Variants in SLC1A4 observed in about 807,000 individuals in gnomAD.
The protein encoded by SLC1A4 is neutral amino acid transporter A.
A neutral mutation model predicts 37.7 loss-of-function variants in SLC1A4; 19 were observed. The observed-to-expected ratio is 0.50, with a 90% CI of 0.35 to 0.74. The LOEUF (loss-of-function observed/expected upper bound fraction) is 0.74, where lower values mean the gene tolerates loss of function less well. Ranked by LOEUF, SLC1A4 falls within the 30% of genes least tolerant of loss-of-function variation. SLC1A4 has a pLI of 0.01. For missense variants in SLC1A4, 570 were observed against 712.9 expected (o/e 0.80, Z 2.28); for synonymous variants, 299 against 309.8 (o/e 0.97, Z 0.37).
At chr2:65,004,093 C>T (rs1673583073) in intron 3 of SLC1A4, 78 bp downstream of exon 3, 21 of 1,272,070 alleles carry the variant, frequency 1.7e-5, no homozygotes, top group Admixed American at 5.5e-5. Context: ...GCATACAGGA[C>T]GTGGGCTGAA....
intron 3 of SLC1A4, among the ~76,000 whole-genome samples, chr2:65,009,101 G>A (rs947952468): frequency 2.0e-5 from 3 of 152,228 alleles, no homozygotes; most frequent in Non-Finnish European, 4.4e-5. Flanking sequence ...GCTCACGCCT[G>A]TAAACTCAGC....
At chr2:65,017,442 C>T (rs1674192006) in intron 5 of SLC1A4, among the ~76,000 whole-genome samples, 1 of 151,652 alleles carries the variant, frequency 6.6e-6, no homozygotes, top group South Asian at 2.1e-4. Flanking sequence ...TTTGCCTCTA[C>T]TGCTCACTTC....
At chr2:65,006,877 T>C (rs1673696762) in intron 3 of SLC1A4, among the ~76,000 whole-genome samples, 1 of 152,164 alleles carries the variant, frequency 6.6e-6, no homozygotes, top group Non-Finnish European at 1.5e-5. Context: ...GAGTTTAAGA[T>C]TACTGTACTC....
chr2:65,015,504 G>A (rs937052303), intron 4 of SLC1A4, among the ~76,000 whole-genome samples: 6 of 152,200 alleles, frequency 3.9e-5, no homozygotes, highest in African/African-American at 1.4e-4. Context: ...CTGGCTTAAG[G>A]ATGGTACTTA....
chr2:64,989,575 T>C lies in SLC1A4; in HGVS notation c.-69T>C, dbSNP rs925092489. 46 of 1,350,730 alleles carry C rather than the reference T, an allele frequency of 3.4e-5. No homozygotes were observed. The highest frequency in any genetic ancestry group is 6.0e-5 in the East Asian group (2 of 33,502). The allele number at this position is 1,350,730 out of a possible 1,614,324, so 83.7% of individuals were successfully genotyped here. A position where few individuals can be genotyped will look rare whatever the true frequency, so the allele number is the denominator to read the frequency against. On this transcript the variant is annotated 5_prime_UTR_variant, in exon 1 of 8. Transcript: ENST00000234256. ...CACAACTGGCCGACCGACCCATTCA[T>C]TGGGAACCCCGTCTTTTGCCAGAGC...
chr2:65,004,673 A>T (rs1027888985), intron 3 of SLC1A4, among the ~76,000 whole-genome samples: 5 of 152,128 alleles, frequency 3.3e-5, no homozygotes, highest in African/African-American at 9.7e-5. Context: ...TTACATTTTA[A>T]AAAAATCAAT....
chr2:65,021,137 G>A lies in SLC1A4; in HGVS notation c.1590G>A (p.Ser530=), dbSNP rs7563131. ...CCCCAGAACTGGAATCCAAGGAGTC[G>A]GTTCTGTGATGGGGCTGGGCTTTGG... ...ASAPELESKE[S]VL The change falls in exon 8 of 8, where the codon TCG becomes TCA. Residue 530 remains serine, a synonymous_variant. Transcript: ENST00000234256. 0.13 allele frequency: 210,604 copies of A among 1,612,988 alleles called. 15,171 individuals are homozygous for A. Among genetic ancestry groups the A allele is most frequent in the African/African-American group, 0.28 (21,183 of 74,974 alleles).
At chr2:64,997,301 CT>C (rs1047184618) in intron 1 of SLC1A4, among the ~76,000 whole-genome samples, 15 of 152,166 alleles carry the variant, frequency 9.9e-5, no homozygotes, top group South Asian at 4.1e-4. Flanking sequence ...TATTACCATA[CT>C]TTTTTATATA....
intron 3 of SLC1A4, among the ~76,000 whole-genome samples, chr2:65,007,738 A>G (rs1195343588): frequency 6.6e-6 from 1 of 152,234 alleles, no homozygotes; most frequent in Non-Finnish European, 1.5e-5. Context: ...TTGGGGGTAC[A>G]TGTGATAATG....
intron 1 of SLC1A4, 29 bp downstream of exon 1, chr2:64,990,199 A>G: frequency 6.5e-7 from 1 of 1,540,458 alleles, no homozygotes; most frequent in Non-Finnish European, 8.8e-7. Context: ...CCCAGGGCCC[A>G]GTGGGAGACG....
Position 65,003,974 on chromosome 2 carries a change from G to A in SLC1A4, c.592G>A (p.Val198Met), listed in dbSNP as rs750431020. Reference protein sequence around the residue: ...FRTYATDYKVVTQNSSSGNVT... With the variant: ...FRTYATDYKVMTQNSSSGNVT... ...ACAGTATGCAACCGATTATAAAGTC[G>A]TGACCCAGAACAGCAGCTCTGGAAA... The change falls in exon 3 of 8, where the codon GTG becomes ATG. Residue 198 changes from valine (V) to methionine (M), a missense_variant. Transcript: ENST00000234256. The A allele has an allele frequency of 8.1e-6, 13 of 1,613,938 alleles. No homozygotes were observed. The highest frequency in any genetic ancestry group is 4.5e-5 in the East Asian group (2 of 44,886).
At chr2:65,005,612 A>G (rs986655896) in intron 3 of SLC1A4, among the ~76,000 whole-genome samples, 2 of 152,308 alleles carry the variant, frequency 1.3e-5, no homozygotes, top group Admixed American at 1.3e-4. Context: ...GGACAACCTG[A>G]TCAGGTAGGA....
Position 65,021,187 on chromosome 2 carries a change from C to T in SLC1A4, c.*41C>T. The T allele has an allele frequency of 6.7e-7, 1 of 1,489,060 alleles. No individual in the cohort carries two copies. Among genetic ancestry groups the T allele is most frequent in the Non-Finnish European group, 9.3e-7 (1 of 1,073,376 alleles). 92.2% of individuals were successfully genotyped at this position (1,489,060 alleles called of 1,614,324 possible). On this transcript the variant is annotated 3_prime_UTR_variant, in exon 8 of 8. Coordinates refer to ENST00000234256, the MANE Select transcript of SLC1A4 (RefSeq NM_003038.5). ...GGCTTGCCTGCCAGCAGTGATGTCC[C>T]ACCCTGTTCACCCAGCCGCCAGTCA...
rs1489269365 is a variant in SLC1A4, at chr2:65,021,814, A to G, written c.*668A>G. ...AACAACTTAGATTCTGAGGTCAAAG[A>G]AAAAAGGAGAGGGAATGCAGCCTTG... On this transcript the variant is annotated 3_prime_UTR_variant, in exon 8 of 8. Transcript: ENST00000234256. 1 of 152,746 alleles carries G rather than the reference A, an allele frequency of 6.5e-6. No homozygotes were observed. Among genetic ancestry groups the G allele is most frequent in the African/African-American group, 2.4e-5 (1 of 41,464 alleles). The allele number at this position is 152,746 out of a possible 1,614,324, so 9.5% of individuals were successfully genotyped here.
chr2:65,007,669 T>C (rs1353274770), intron 3 of SLC1A4, among the ~76,000 whole-genome samples: 1 of 152,236 alleles, frequency 6.6e-6, no homozygotes, highest in Admixed American at 6.5e-5. Context: ...ACCAGCTCTC[T>C]TAATTGTTAA....
rs1286250928 is a variant in SLC1A4 at position 65,020,957 on chromosome 2, T to G, written c.1410T>G (p.Gly470=). The change falls in exon 8 of 8, where the codon GGT becomes GGG. Residue 470 remains glycine (G), a synonymous_variant. Coordinates refer to ENST00000234256, the MANE Select transcript of SLC1A4 (RefSeq NM_003038.5). ...TGAATGTGGAAGGGGATGCCCTGGG[T>G]GCAGGCATTCTCCACCACCTGAATC... ...TVVNVEGDAL[G]AGILHHLNQK... is the part of the protein sequence containing the mutation. 1 of 1,614,176 alleles carries G rather than the reference T, an allele frequency of 6.2e-7. No individual in the cohort carries two copies. The highest frequency in any genetic ancestry group is 1.7e-5 in the Admixed American group (1 of 60,032).
At position 65,020,913 on chromosome 2, in the gene SLC1A4, G is replaced by T; in HGVS notation, c.1366G>T (p.Asp456Tyr). 6.2e-7 allele frequency: 1 copy of T among 1,613,360 alleles called. No individual in the cohort carries two copies. Among genetic ancestry groups the T allele is most frequent in the South Asian group, 1.1e-5 (1 of 91,032 alleles). Residue 456 changes from aspartate to tyrosine, a missense_variant and splice_region_variant, in exon 8 of 8, where the codon GAC becomes TAC. Coordinates refer to ENST00000234256, the MANE Select transcript of SLC1A4 (RefSeq NM_003038.5). Reference protein sequence around the residue: ...PLILAVDWIVDRTTTVVNVEG... With the variant: ...PLILAVDWIVYRTTTVVNVEG... ...AGCTGCCTCTTCTTTTCCCACCAGG[G>T]ACCGGACCACCACGGTGGTGAATGT... is the stretch of plus-strand genomic sequence containing the variant.
intron 3 of SLC1A4, among the ~76,000 whole-genome samples, chr2:65,006,289 C>A (rs1673667885): frequency 6.6e-6 from 1 of 151,928 alleles, no homozygotes; most frequent in Admixed American, 6.6e-5. Flanking sequence ...GTCAGGAGTT[C>A]CAGACCAGCC....
chr2:65,006,478 C>T lies in SLC1A4; in HGVS notation c.633+2463C>T, dbSNP rs148671270. Among the ~76,000 whole-genome samples, 1,339 of 151,302 alleles carry T rather than the reference C, an allele frequency of 8.8e-3. 21 individuals carry two copies. Among genetic ancestry groups the T allele is most frequent in the African/African-American group, 0.028 (1,166 of 41,206 alleles). On this transcript the variant is annotated intron_variant, in intron 3 of 7. Coordinates refer to ENST00000234256, the MANE Select transcript of SLC1A4 (RefSeq NM_003038.5). ...CTGCACTCCAGCCTGGGCAACAGAGCGAGACTCTGTCTCAAAAAAATAAAT... is the reference window on the plus strand; with the variant it reads ...CTGCACTCCAGCCTGGGCAACAGAGTGAGACTCTGTCTCAAAAAAATAAAT...
Sources: gnomAD v4.1 joint callset for allele counts (sites outside exome capture counted in the v4.1 genomes callset) on GRCh38, gnomAD v4.1.1 for gene constraint, MANE v1.5 for transcripts, NCBI Gene and HGNC (gene_info 2026-07-23, HGNC 2026-07-21) for gene names.